The following ACSBG2 variants were observed in gnomAD, a reference collection of about 807,000 sequenced individuals.
The protein encoded by ACSBG2 is acyl-CoA synthetase bubblegum family member 2, also known as long-chain-fatty-acid--CoA ligase ACSBG2.
ACSBG2 carries 62 observed loss-of-function variants against 74.7 expected under a neutral mutation model. That is an observed-to-expected ratio of 0.83 (90% CI 0.68 to 1.03). ACSBG2 has a LOEUF of 1.03. ACSBG2 is among the 50% of genes least tolerant of loss of function. ACSBG2 has a pLI of 0.00. For missense variants in ACSBG2, 730 were observed against 817.6 expected (o/e 0.89, Z 1.31); for synonymous variants, 309 against 294.1 (o/e 1.05, Z -0.52).
chr19:6,190,747 G>A (rs1600146392), intron 14 of ACSBG2, 55 bp downstream of exon 14: 4 of 1,175,322 alleles, frequency 3.4e-6, no homozygotes, highest in Non-Finnish European at 5.1e-6. Flanking sequence ...CCAAGAGAGG[G>A]CTCCACTGTG....
At chr19:6,148,186 G>C in intron 3 of ACSBG2, 1 of 162,454 alleles carries the variant, frequency 6.2e-6, no homozygotes, top group Non-Finnish European at 1.3e-5. Flanking sequence ...TATCTCATCT[G>C]AAGGCTCAAC....
intron 5 of ACSBG2, among the ~76,000 whole-genome samples, chr19:6,158,363 A>G (rs1382839261): frequency 6.6e-6 from 1 of 151,486 alleles, no homozygotes; most frequent in Non-Finnish European, 1.5e-5. Flanking sequence ...GGCCTTGGTT[A>G]CAATTTTCTT....
intron 7 of ACSBG2, among the ~76,000 whole-genome samples, chr19:6,166,909 G>A (rs1318381957): frequency 1.3e-5 from 2 of 152,110 alleles, no homozygotes; most frequent in Non-Finnish European, 2.9e-5. Context: ...AAAGTGTTGG[G>A]ATTACAGGCG....
chr19:6,182,739 C>G lies in ACSBG2; in HGVS notation c.907-12C>G. The G allele has an allele frequency of 6.2e-7, 1 of 1,612,094 alleles. No homozygotes were observed. The highest frequency in any genetic ancestry group is 1.3e-5 in the African/African-American group (1 of 74,958). ...GGCCCTGCTGTGGCTAACCTAGCTT[C>G]GTTCCATACAGGGCACCTTGGTAAG... On this transcript the variant is annotated splice_polypyrimidine_tract_variant and intron_variant, in intron 8 of 14. Coordinates refer to ENST00000588485, the MANE Select transcript of ACSBG2 (RefSeq NM_030924.5).
chr19:6,177,276 C>T lies in ACSBG2; in HGVS notation c.786C>T (p.Asp262=), dbSNP rs2090113051. The stretch of plus-strand genomic sequence containing the variant: ...TGACAAAGGACTTTAAACTGACAGA[C>T]AAGCATGAGACGGTGGTTAGCTACC... The part of the protein sequence containing the change: ...GAVTKDFKLT[D]KHETVVSYLP... The change falls in exon 8 of 15, where the codon GAC becomes GAT. Residue 262 remains aspartate, a synonymous_variant. Transcript: ENST00000588485. 1 of 1,613,938 alleles carries T rather than the reference C, an allele frequency of 6.2e-7. No individual in the cohort carries two copies. Among genetic ancestry groups the T allele is most frequent in the Non-Finnish European group, 8.5e-7 (1 of 1,180,006 alleles).
At chr19:6,192,132 T>C (rs953499923) in intron 14 of ACSBG2, 12 of 151,382 alleles carry the variant, frequency 7.9e-5, no homozygotes, top group Non-Finnish European at 1.6e-4. Context: ...TTTTAAAATT[T>C]TGATTACATG....
intron 13 of ACSBG2, chr19:6,190,286 T>G: frequency 3.4e-6 from 1 of 298,266 alleles, no homozygotes; most frequent in Non-Finnish European, 6.6e-6. Flanking sequence ...AAAATGGGGA[T>G]AGGGGTATGG....
chr19:6,184,268 C>A (rs114219540), intron 10 of ACSBG2, among the ~76,000 whole-genome samples: 4,793 of 152,074 alleles, frequency 0.032, 219 homozygotes, highest in African/African-American at 0.11. Context: ...AATATTTTAT[C>A]CCCTGGCTTG....
At position 6,165,943 on chromosome 19, in the gene ACSBG2, T is replaced by G; in HGVS notation, c.666T>G (p.Asn222Lys). 6.2e-7 allele frequency: 1 copy of G among 1,614,092 alleles called. No homozygotes were observed. The highest frequency in any genetic ancestry group is 8.5e-7 in the Non-Finnish European group (1 of 1,180,008). The change falls in exon 7 of 15, where the codon AAT (asparagine) becomes AAG (lysine). Residue 222 changes from asparagine (N) to lysine (K), a missense_variant. Physicochemically the swap from Asn to Lys is moderately conservative, Grantham distance 94. Coordinates refer to ENST00000588485, the MANE Select transcript of ACSBG2 (RefSeq NM_030924.5). ...LEQVIESQKA[N>K]QCAVLIYTSG... ...AGGTCATCGAGAGCCAGAAGGCGAATCAATGCGCAGTGCTCATCTACACTT... is the reference window on the plus strand; with the variant it reads ...AGGTCATCGAGAGCCAGAAGGCGAAGCAATGCGCAGTGCTCATCTACACTT...
Position 6,184,061 on chromosome 19 carries a change from G to A in ACSBG2, c.1322+789G>A, listed in dbSNP as rs895108517. Among the ~76,000 whole-genome samples the A allele has an allele frequency of 1.1e-4, 16 of 152,256 alleles. No homozygotes were observed. In the East Asian group the frequency reaches 1.7e-3, roughly 17 times the overall value. On this transcript the variant is annotated intron_variant, in intron 10 of 14. Coordinates refer to ENST00000588485, the MANE Select transcript of ACSBG2 (RefSeq NM_030924.5). ...CAAGCAATCCTCAGCCTCCCAAAGC[G>A]CTGGGATTACAGGCATGAACCACCA...
intron 4 of ACSBG2, among the ~76,000 whole-genome samples, chr19:6,152,886 T>C (rs2089286452): frequency 1.3e-5 from 2 of 152,316 alleles, no homozygotes; most frequent in East Asian, 3.9e-4. Context: ...GCATTTTTGA[T>C]GTCAGAGGTG....
intron 10 of ACSBG2, among the ~76,000 whole-genome samples, chr19:6,185,155 G>A (rs2090371000): frequency 6.6e-6 from 1 of 151,974 alleles, no homozygotes; most frequent in Non-Finnish European, 1.5e-5. Flanking sequence ...TGGAACTCCT[G>A]GGCTCGAGCA....
In ACSBG2 at chr19:6,149,481, A is replaced by C. The variant is rs952547271; in HGVS notation, c.297+1806A>C. 2.0e-5 allele frequency among the ~76,000 whole-genome samples: 3 copies of C among 150,884 alleles called. No individual in the cohort carries two copies. The South Asian group carries it at 6.3e-4, about 32-fold the overall frequency. Reference sequence around the variant, plus strand: ...TTCATTCTCACCCACATTCAGAACAAGTCTGTACCTTTACATGTGCAACTT... The same window carrying C: ...TTCATTCTCACCCACATTCAGAACACGTCTGTACCTTTACATGTGCAACTT... On this transcript the variant is annotated intron_variant, in intron 3 of 14. Transcript: ENST00000588485.
chr19:6,149,855 C>T (rs1057316139), intron 3 of ACSBG2, among the ~76,000 whole-genome samples: 2 of 140,950 alleles, frequency 1.4e-5, no homozygotes, highest in Admixed American at 6.8e-5. Context: ...GGATTACAGG[C>T]GTGAGCCACC....
chr19:6,176,213 A>G (rs2090083817), intron 7 of ACSBG2: 4 of 1,053,476 alleles, frequency 3.8e-6, no homozygotes, highest in South Asian at 7.7e-5. Context: ...ATTAACAACC[A>G]TCTACTCACC....
chr19:6,154,859 G>A (rs1300072297), intron 4 of ACSBG2, among the ~76,000 whole-genome samples: 1 of 152,056 alleles, frequency 6.6e-6, no homozygotes, highest in East Asian at 1.9e-4. Flanking sequence ...AGGACTGAAT[G>A]GTAAGACAGT....
intron 2 of ACSBG2, among the ~76,000 whole-genome samples, chr19:6,142,286 T>C (rs1287270749): frequency 1.3e-5 from 2 of 152,080 alleles, no homozygotes; most frequent in African/African-American, 4.8e-5. Flanking sequence ...TTATTAACAT[T>C]AGGCTATAAT....
chr19:6,184,832 GAAAAAAAAAAAAAAAAAAAAAAA>G (rs371866289), intron 10 of ACSBG2, among the ~76,000 whole-genome samples: 499 of 13,538 alleles, frequency 0.037, 16 homozygotes, highest in Middle Eastern at 0.15. Flanking sequence ...ATGTGGAGAT[GAAAAAAAAAAAAAAAAAAAAAAA>G]AAAAAAAAAA....
intron 11 of ACSBG2, 94 bp downstream of exon 11, chr19:6,185,747 T>G: frequency 7.9e-7 from 1 of 1,264,910 alleles, no homozygotes; most frequent in East Asian, 2.3e-5. Context: ...CCACCCCCAG[T>G]TCCTCACCTT....
Sources: allele counts gnomAD v4.1 joint callset (sites outside exome capture counted in the v4.1 genomes callset), GRCh38; gene constraint gnomAD v4.1.1; transcripts MANE v1.5; gene names NCBI Gene and HGNC (gene_info 2026-07-23, HGNC 2026-07-21).